MRE11: variants seen among roughly 807,000 people sequenced by gnomAD.
MRE11 encodes MRE11 double strand break repair nuclease, also known as double-strand break repair protein MRE11.
A neutral mutation model predicts 91.7 loss-of-function variants in MRE11; 62 were observed. The observed-to-expected ratio is 0.68, with a 90% CI of 0.55 to 0.84. The LOEUF is 0.84. MRE11 is among the 40% of genes least tolerant of loss of function. The probability of loss-of-function intolerance (pLI) is 0.00; values close to 1 mark genes in which losing one functional copy is unlikely to be tolerated. For synonymous variants in MRE11, 273 were observed against 271.4 expected (o/e 1.01, Z -0.06); for missense variants, 796 against 852.9 (o/e 0.93, Z 0.83).
chr11:94,466,646 CTCAG>C, intron 10 of MRE11: 1 of 361,832 alleles, frequency 2.8e-6, no homozygotes. Flanking sequence ...CAGAATGAAG[CTCAG>C]GAAGTCTGGC....
At chr11:94,428,469 C>A (rs1459168359) in intron 19 of MRE11, among the ~76,000 whole-genome samples, 1 of 152,190 alleles carries the variant, frequency 6.6e-6, no homozygotes. Flanking sequence ...CTTCTCAACA[C>A]TGGCCTTGGC....
chr11:94,508,036 C>T, the MRE11 span, among the ~76,000 whole-genome samples: 96 of 152,212 alleles, frequency 6.3e-4, no homozygotes, highest in African/African-American at 1.8e-3. Flanking sequence ...CTGGTGTGAT[C>T]GTAGCTCAGT....
intron 19 of MRE11, among the ~76,000 whole-genome samples, chr11:94,427,479 G>C (rs1945355798): frequency 6.6e-6 from 1 of 152,110 alleles, no homozygotes; most frequent in Non-Finnish European, 1.5e-5. Flanking sequence ...CTGAGAACTG[G>C]AAAAAGATAA....
At chr11:94,512,067 A>G in the MRE11 span, among the ~76,000 whole-genome samples, 1 of 152,342 alleles carries the variant, frequency 6.6e-6, no homozygotes, top group Middle Eastern at 3.4e-3. Flanking sequence ...GCGTGAAACC[A>G]GCGACGGTGC....
At chr11:94,473,280 A>T (rs771408735) in intron 7 of MRE11, 6 of 152,154 alleles carry the variant, frequency 3.9e-5, no homozygotes, top group African/African-American at 7.2e-5. Flanking sequence ...AAAGAAAAGC[A>T]GAATAATTCC....
At chr11:94,508,899 T>C in the MRE11 span, among the ~76,000 whole-genome samples, 1 of 151,976 alleles carries the variant, frequency 6.6e-6, no homozygotes, top group Non-Finnish European at 1.5e-5. Flanking sequence ...GTAGCTGGGA[T>C]TACAGGCACG....
At chr11:94,467,950 G>T in intron 9 of MRE11, 57 bp from the exon 10 acceptor site, 1 of 1,352,310 alleles carries the variant, frequency 7.4e-7, no homozygotes, top group Non-Finnish European at 1.1e-6. Context: ...TAACTTGGCT[G>T]AATAGCAGCT....
At chr11:94,434,031 C>T (rs1945533932) in intron 18 of MRE11, among the ~76,000 whole-genome samples, 1 of 152,154 alleles carries the variant, frequency 6.6e-6, no homozygotes, top group Non-Finnish European at 1.5e-5. Context: ...CAAATGTCAC[C>T]TATCTTCTTT....
At chr11:94,428,398 T>C (rs1945379212) in intron 19 of MRE11, among the ~76,000 whole-genome samples, 1 of 152,114 alleles carries the variant, frequency 6.6e-6, no homozygotes, top group African/African-American at 2.4e-5. Context: ...CAAGATGAAT[T>C]AAAGATTTAA....
At chr11:94,473,639 A>C (rs1946773127) in intron 7 of MRE11, 1 of 151,804 alleles carries the variant, frequency 6.6e-6, no homozygotes, top group African/African-American at 2.4e-5. Context: ...TTACCAAAGA[A>C]CCACATAACC....
intron 14 of MRE11, among the ~76,000 whole-genome samples, chr11:94,452,131 A>C (rs1330664311): frequency 6.8e-6 from 1 of 146,786 alleles, no homozygotes. Context: ...CAGGAGGCAG[A>C]GGTTGCAGTG....
chr11:94,436,731 C>A (rs35068023), intron 17 of MRE11, among the ~76,000 whole-genome samples: 2 of 152,308 alleles, frequency 1.3e-5, no homozygotes, highest in East Asian at 3.9e-4. Context: ...CAGGCTAAAC[C>A]TAGGGCAAAC....
upstream of MRE11, chr11:94,498,628 A>G: frequency 9.3e-7 from 1 of 1,075,200 alleles, no homozygotes; most frequent in Non-Finnish European, 1.4e-6. Flanking sequence ...ATCTTACTAC[A>G]AAAATTCAGT....
At chr11:94,461,964 A>C (rs1397269255) in intron 11 of MRE11, among the ~76,000 whole-genome samples, 1 of 151,986 alleles carries the variant, frequency 6.6e-6, no homozygotes, top group Non-Finnish European at 1.5e-5. Context: ...AGTCCCAGCG[A>C]CTCGGGAGGC....
At chr11:94,489,509 G>A (rs1947231314) in intron 3 of MRE11, among the ~76,000 whole-genome samples, 1 of 152,152 alleles carries the variant, frequency 6.6e-6, no homozygotes, top group African/African-American at 2.4e-5. Flanking sequence ...CTGCTATGCT[G>A]AGTAGATGTA....
intron 19 of MRE11, among the ~76,000 whole-genome samples, chr11:94,421,567 C>A (rs1369525271): frequency 6.6e-6 from 1 of 152,158 alleles, no homozygotes; most frequent in East Asian, 1.9e-4. Context: ...TTGGAATAAA[C>A]AATAATTGCT....
chr11:94,420,070 T>A lies in MRE11; in HGVS notation c.*55A>T, dbSNP rs1945129027. ...AATCTTAAACTGTAAACTCTTAGCTTGTAACATTTTCATTTTTCCTGTATC... is the reference window on the plus strand; with the variant it reads ...AATCTTAAACTGTAAACTCTTAGCTAGTAACATTTTCATTTTTCCTGTATC... On this transcript the variant is annotated 3_prime_UTR_variant, in exon 20 of 20. Coordinates refer to ENST00000323929, the MANE Select transcript of MRE11 (RefSeq NM_005591.4). 2 of 1,380,078 alleles carry A rather than the reference T, an allele frequency of 1.4e-6. No individual in the cohort carries two copies. Among genetic ancestry groups the A allele is most frequent in the East Asian group, 4.6e-5 (2 of 43,370 alleles). The allele number at this position is 1,380,078 out of a possible 1,614,324, so 85.5% of individuals were successfully genotyped here.
the MRE11 span, among the ~76,000 whole-genome samples, chr11:94,505,084 G>T: frequency 1.3e-5 from 2 of 152,294 alleles, no homozygotes; most frequent in East Asian, 1.9e-4. Flanking sequence ...CTACTGCACT[G>T]CCAGTCATGT....
At chr11:94,494,905 A>G (rs1229581456), upstream of MRE11, among the ~76,000 whole-genome samples, 1 of 152,168 alleles carries the variant, frequency 6.6e-6, no homozygotes, top group Non-Finnish European at 1.5e-5. Flanking sequence ...ATGTATGGTC[A>G]TTTTTGTGTT....
Sources: gnomAD v4.1 joint callset for allele counts (sites outside exome capture counted in the v4.1 genomes callset) on GRCh38, gnomAD v4.1.1 for gene constraint, MANE v1.5 for transcripts, NCBI Gene and HGNC (gene_info 2026-07-23, HGNC 2026-07-21) for gene names.